Variants in GPC3 observed in about 807,000 individuals in gnomAD.
GPC3 encodes the protein glypican-3.
A neutral mutation model predicts 34.4 loss-of-function variants in GPC3; 3 were observed. That is an observed-to-expected ratio of 0.09 (90% CI 0.04 to 0.23). The LOEUF (loss-of-function observed/expected upper bound fraction) is 0.23, where lower values mean the gene tolerates loss of function less well. Ranked by LOEUF, GPC3 falls within the 10% of genes least tolerant of loss-of-function variation. GPC3 has a pLI of 1.00. For missense variants in GPC3, 351 were observed against 445.6 expected, an observed-to-expected ratio of 0.79 and a Z score of 1.91; for synonymous variants, 177 against 174.0, an observed-to-expected ratio of 1.02 and a Z score of -0.13.
At chrX:133,876,979 T>C (rs1274690456) in intron 2 of GPC3, among the ~76,000 whole-genome samples, 1 of 111,931 alleles carries the variant, frequency 8.9e-6, no homozygotes, top group Non-Finnish European at 1.9e-5. Flanking sequence ...GAACTAATCT[T>C]TTCAATGTCT....
At chrX:133,920,997 C>T (rs2076245683) in intron 2 of GPC3, among the ~76,000 whole-genome samples, 1 of 111,895 alleles carries the variant, frequency 8.9e-6, no homozygotes, top group Admixed American at 9.5e-5. Context: ...CACAATACCA[C>T]ATTGCATTTA....
At chrX:133,728,207 A>G (rs1421743008) in intron 3 of GPC3, among the ~76,000 whole-genome samples, 1 of 112,017 alleles carries the variant, frequency 8.9e-6, no homozygotes, top group Non-Finnish European at 1.9e-5. Flanking sequence ...CTACGTGTCA[A>G]TGAAGACCCT....
intron 5 of GPC3, among the ~76,000 whole-genome samples, chrX:133,667,933 G>A (rs1048871219): frequency 1.9e-5 from 2 of 106,309 alleles, no homozygotes; most frequent in Non-Finnish European, 3.9e-5. Context: ...ATGGAGTCTC[G>A]CTCTGTTGCC....
chrX:133,700,947 G>A (rs926319783), intron 3 of GPC3, among the ~76,000 whole-genome samples: 9 of 111,046 alleles, frequency 8.1e-5, no homozygotes, highest in Admixed American at 1.9e-4. Context: ...ATAAGCCCAG[G>A]ATTAAAAGTA....
chrX:133,768,276 C>T (rs947714746), intron 2 of GPC3, among the ~76,000 whole-genome samples: 8 of 111,779 alleles, frequency 7.2e-5, no homozygotes, highest in African/African-American at 2.0e-4. Flanking sequence ...CCAGGAAGAG[C>T]TCGAGAGTAA....
At chrX:133,606,462 C>T (rs774135369) in intron 6 of GPC3, among the ~76,000 whole-genome samples, 2 of 111,933 alleles carry the variant, frequency 1.8e-5, no homozygotes, top group African/African-American at 3.2e-5. Flanking sequence ...TGCTCTGTTG[C>T]CCAGGCTGGA....
chrX:133,879,237 A>G (rs1251719836), intron 2 of GPC3, among the ~76,000 whole-genome samples: 2 of 110,130 alleles, frequency 1.8e-5, no homozygotes, highest in Non-Finnish European at 3.8e-5. Context: ...AACCTGGGAG[A>G]TAACAAAATT....
At chrX:133,936,230 A>AATG (rs1460435145) in intron 2 of GPC3, among the ~76,000 whole-genome samples, 6 of 107,768 alleles carry the variant, frequency 5.6e-5, no homozygotes, top group Non-Finnish European at 1.1e-4. Context: ...TAATAATAAT[A>AATG]ATAATAAAGT....
chrX:133,978,340 G>T (rs1186109825), intron 1 of GPC3, among the ~76,000 whole-genome samples: 1 of 111,862 alleles, frequency 8.9e-6, no homozygotes, highest in African/African-American at 3.3e-5. Context: ...TTCCGTAACT[G>T]GCACCAAGTT....
At chrX:133,875,478 C>T (rs1053489170) in intron 2 of GPC3, among the ~76,000 whole-genome samples, 5 of 111,696 alleles carry the variant, frequency 4.5e-5, no homozygotes, top group Non-Finnish European at 9.4e-5. Flanking sequence ...TTCCACTATA[C>T]TATTTCCTTT....
At chrX:133,549,370 C>T (rs2069412299) in intron 7 of GPC3, among the ~76,000 whole-genome samples, 1 of 111,721 alleles carries the variant, frequency 9.0e-6, no homozygotes, top group Non-Finnish European at 1.9e-5. Flanking sequence ...ACACATTTCT[C>T]TCTTCCTCAA....
At chrX:133,751,971 G>A (rs1283415852) in intron 3 of GPC3, among the ~76,000 whole-genome samples, 25 of 111,208 alleles carry the variant, frequency 2.2e-4, no homozygotes, top group Admixed American at 1.3e-3. Context: ...TCACTGCAGC[G>A]TTGATCCTCC....
chrX:133,767,396 G>A (rs192403900), intron 2 of GPC3, among the ~76,000 whole-genome samples: 1 of 111,854 alleles, frequency 8.9e-6, no homozygotes, highest in African/African-American at 3.2e-5. Context: ...GCATTTCCTA[G>A]GGATTACTGA....
chrX:133,639,762 G>T (rs909420997), intron 6 of GPC3, among the ~76,000 whole-genome samples: 11 of 111,906 alleles, frequency 9.8e-5, no homozygotes, highest in African/African-American at 2.6e-4. Context: ...TTAAGAATGA[G>T]GGCTTCTGTT....
At chrX:133,546,783 A>G (rs2069390799) in intron 7 of GPC3, among the ~76,000 whole-genome samples, 1 of 112,442 alleles carries the variant, frequency 8.9e-6, no homozygotes, top group Non-Finnish European at 1.9e-5. Flanking sequence ...AAAACAAAAA[A>G]TAAAACAACC....
At chrX:133,702,607 C>A (rs1369501786) in intron 3 of GPC3, among the ~76,000 whole-genome samples, 3 of 111,474 alleles carry the variant, frequency 2.7e-5, no homozygotes. Context: ...CCTCACCAAC[C>A]CCAACCTACT....
chrX:133,950,219 T>C (rs1456953785), intron 2 of GPC3, among the ~76,000 whole-genome samples: 1 of 111,900 alleles, frequency 8.9e-6, no homozygotes, highest in African/African-American at 3.2e-5. Flanking sequence ...ATGCAAAGAC[T>C]GAGAATAAAG....
intron 7 of GPC3, among the ~76,000 whole-genome samples, chrX:133,554,396 T>C (rs1478940725): frequency 9.1e-6 from 1 of 109,902 alleles, no homozygotes. Context: ...TCATTGCAGC[T>C]GTTAGATACA....
At chrX:133,875,588 A>G (rs2076013513) in intron 2 of GPC3, among the ~76,000 whole-genome samples, 1 of 110,920 alleles carries the variant, frequency 9.0e-6, no homozygotes, top group Non-Finnish European at 1.9e-5. Context: ...TCTACTTACA[A>G]TGGATATCCC....
Sources: gnomAD v4.1 joint callset for allele counts (sites outside exome capture counted in the v4.1 genomes callset) on GRCh38, gnomAD v4.1.1 for gene constraint, MANE v1.5 for transcripts, NCBI Gene and HGNC (gene_info 2026-07-23, HGNC 2026-07-21) for gene names.